Variants in MAPK10 observed in about 807,000 individuals in gnomAD.
The protein encoded by MAPK10 is mitogen-activated protein kinase 10.
MAPK10 carries 25 observed loss-of-function variants against 59.3 expected under a neutral mutation model. The ratio of observed to expected loss-of-function variants is 0.42; its 90% CI spans 0.31 to 0.59. The LOEUF is 0.59. Among genes scored for constraint, MAPK10 ranks in the 20% least tolerant of loss-of-function variants. The probability of loss-of-function intolerance (pLI) is 0.15; values close to 1 mark genes in which losing one functional copy is unlikely to be tolerated. For missense variants in MAPK10, 351 were observed against 568.9 expected (o/e 0.62, Z 3.90); for synonymous variants, 190 against 200.5 (o/e 0.95, Z 0.44).
chr4:86,182,171 C>G (rs1441711633), intron 3 of MAPK10, among the ~76,000 whole-genome samples: 1 of 151,692 alleles, frequency 6.6e-6, no homozygotes, highest in Non-Finnish European at 1.5e-5. Context: ...TAACAAGAAG[C>G]CTCTTGCCTT....
intron 2 of MAPK10, among the ~76,000 whole-genome samples, chr4:86,320,570 T>G (rs1217920739): frequency 6.6e-6 from 1 of 152,224 alleles, no homozygotes; most frequent in Non-Finnish European, 1.5e-5. Context: ...CTTTGTCAGA[T>G]GAGTAGGTTG....
chr4:86,353,223 C>T (rs1248467975), intron 2 of MAPK10, among the ~76,000 whole-genome samples: 2 of 152,182 alleles, frequency 1.3e-5, no homozygotes. Context: ...CTCTTTAGAA[C>T]ACAACTACCT....
At chr4:86,515,460 A>C (rs1756580485) in intron 1 of MAPK10, among the ~76,000 whole-genome samples, 1 of 152,278 alleles carries the variant, frequency 6.6e-6, no homozygotes, top group Admixed American at 6.5e-5. Flanking sequence ...CATCAGTGTA[A>C]AACTGTTCCC....
chr4:86,252,484 G>A (rs960536115), intron 2 of MAPK10, among the ~76,000 whole-genome samples: 1 of 141,336 alleles, frequency 7.1e-6, no homozygotes, highest in Non-Finnish European at 1.5e-5. Flanking sequence ...GATAGTTGTA[G>A]GTATGCGGCG....
At chr4:86,291,133 T>C (rs1278569519) in intron 2 of MAPK10, among the ~76,000 whole-genome samples, 1 of 152,192 alleles carries the variant, frequency 6.6e-6, no homozygotes, top group Non-Finnish European at 1.5e-5. Context: ...GGGTCAGACT[T>C]CACCTGTGCA....
chr4:86,194,428 G>A (rs1474380878), intron 2 of MAPK10, 21 bp from the exon 3 acceptor site: 1 of 1,401,660 alleles, frequency 7.1e-7, no homozygotes, highest in Non-Finnish European at 1.0e-6. Flanking sequence ...AAGAAATGGA[G>A]CATAAATTTT....
intron 2 of MAPK10, among the ~76,000 whole-genome samples, chr4:86,316,904 TG>T (rs2095799101): frequency 9.7e-6 from 1 of 103,374 alleles, no homozygotes; most frequent in African/African-American, 2.7e-5. Flanking sequence ...TCATTTTTCA[TG>T]AGAGGGATTT....
Position 86,146,081 on chromosome 4 carries a change from G to C in MAPK10, c.236+13217C>G, listed in dbSNP as rs571122181. Reference sequence around the variant, plus strand: ...GACTACTTGCTGCATTTAGCATTTTGGTTGGTTTACTGGTAATTTAGCAAG... The same window carrying C: ...GACTACTTGCTGCATTTAGCATTTTCGTTGGTTTACTGGTAATTTAGCAAG... On this transcript the variant is annotated intron_variant, in intron 4 of 13. Coordinates refer to ENST00000641462, the MANE Select transcript of MAPK10 (RefSeq NM_138982.4). Among the ~76,000 whole-genome samples the C allele has an allele frequency of 9.8e-5, 15 of 152,332 alleles. No homozygotes were observed. The South Asian group carries it at 1.7e-3, about 17-fold the overall frequency.
At chr4:86,050,382 A>G (rs2043281019) in intron 11 of MAPK10, among the ~76,000 whole-genome samples, 1 of 152,154 alleles carries the variant, frequency 6.6e-6, no homozygotes, top group Non-Finnish European at 1.5e-5. Flanking sequence ...GCTTAACAAA[A>G]GTTTAAGTGA....
At chr4:86,241,401 G>A (rs144835032) in intron 2 of MAPK10, among the ~76,000 whole-genome samples, 1,761 of 152,172 alleles carry the variant, frequency 0.012, 41 homozygotes, top group African/African-American at 0.041. Flanking sequence ...AAGTTCTCCT[G>A]GATAATATCC....
intron 1 of MAPK10, among the ~76,000 whole-genome samples, chr4:86,540,355 C>T (rs1758580896): frequency 6.6e-6 from 1 of 151,940 alleles, no homozygotes; most frequent in Non-Finnish European, 1.5e-5. Context: ...AACAAATTAG[C>T]CGGGTATGGT....
intron 4 of MAPK10, among the ~76,000 whole-genome samples, chr4:86,139,315 T>C (rs1017492758): frequency 4.3e-4 from 63 of 147,226 alleles, no homozygotes; most frequent in Admixed American, 3.3e-4. Context: ...AAACAGCATG[T>C]TACTGGTACC....
intron 2 of MAPK10, among the ~76,000 whole-genome samples, chr4:86,248,037 G>A (rs2093207368): frequency 1.3e-5 from 2 of 152,188 alleles, no homozygotes; most frequent in Admixed American, 6.5e-5. Context: ...AGGGTTAACA[G>A]AGCTAAATAA....
chr4:86,077,374 A>G (rs934823695), intron 9 of MAPK10, among the ~76,000 whole-genome samples: 1 of 152,208 alleles, frequency 6.6e-6, no homozygotes, highest in Non-Finnish European at 1.5e-5. Flanking sequence ...TGAACATAAT[A>G]TATGAAAAGG....
At chr4:86,560,864 A>C (rs1000007164) in intron 1 of MAPK10, among the ~76,000 whole-genome samples, 1 of 152,248 alleles carries the variant, frequency 6.6e-6, no homozygotes, top group Admixed American at 6.5e-5. Context: ...AATATATTTA[A>C]TGAGCTGTGC....
At chr4:86,156,247 A>G (rs1283074017) in intron 4 of MAPK10, among the ~76,000 whole-genome samples, 1 of 152,078 alleles carries the variant, frequency 6.6e-6, no homozygotes, top group African/African-American at 2.4e-5. Flanking sequence ...TTCAACTTTA[A>G]TTAAATGCCA....
chr4:86,188,018 T>G (rs145824475), intron 3 of MAPK10, among the ~76,000 whole-genome samples: 1 of 152,146 alleles, frequency 6.6e-6, no homozygotes, highest in Non-Finnish European at 1.5e-5. Context: ...TTTCTGTTCC[T>G]GTTAGTTTGC....
rs1339494073 is a variant in MAPK10, at chr4:86,274,264, T to G, written c.-6-79857A>C. On this transcript the variant is annotated intron_variant, in intron 2 of 13. Transcript: ENST00000641462. ...ACTGGATTTTGATACAACATTATTC[T>G]AAAGTATTTCAGAATAAGGAGCTAA... 3.3e-5 allele frequency among the ~76,000 whole-genome samples: 5 copies of G among 152,040 alleles called. No homozygotes were observed. In the East Asian group the frequency reaches 9.6e-4, roughly 29 times the overall value.
intron 1 of MAPK10, among the ~76,000 whole-genome samples, chr4:86,366,800 G>A (rs1433761903): frequency 1.3e-5 from 2 of 152,164 alleles, no homozygotes; most frequent in African/African-American, 4.8e-5. Flanking sequence ...AGTGAATTAA[G>A]GGGGTAGCAG....
Sources: gnomAD v4.1 joint callset for allele counts (sites outside exome capture counted in the v4.1 genomes callset) on GRCh38, gnomAD v4.1.1 for gene constraint, MANE v1.5 for transcripts, NCBI Gene and HGNC (gene_info 2026-07-23, HGNC 2026-07-21) for gene names.